The following ZNF445 variants were observed in gnomAD, a reference collection of about 807,000 sequenced individuals.
The protein encoded by ZNF445 is zinc finger protein 445.
In ZNF445, 19 loss-of-function variants were observed where a neutral mutation model predicts 93.9. That is an observed-to-expected ratio of 0.20 (90% confidence interval 0.14 to 0.30). The LOEUF (loss-of-function observed/expected upper bound fraction) is 0.30. Among genes scored for constraint, ZNF445 ranks in the 10% least tolerant of loss-of-function variants. The pLI is 1.00. For missense variants in ZNF445, 1,058 were observed against 1,259.4 expected (o/e 0.84, Z 2.42); for synonymous variants, 449 against 446.3 (o/e 1.01, Z -0.08).
In ZNF445 at chr3:44,440,143, AGCTACT is replaced by A. The variant is rs572678776; in HGVS notation, c.*6426_*6431del. ...CTTGGCATTTTCTTCTTGCCTTTTT[AGCTACT>A]TAAATATAGTACACTTCTTTATAAG... On this transcript the variant is annotated 3_prime_UTR_variant, in exon 8 of 8. Transcript: ENST00000396077. 2 of 152,166 alleles carry A rather than the reference AGCTACT, an allele frequency of 1.3e-5. No homozygotes were observed. Among genetic ancestry groups the A allele is most frequent in the Non-Finnish European group, 2.9e-5 (2 of 68,034 alleles). The allele number at this position is 152,166 out of a possible 1,614,324, so 9.4% of individuals were successfully genotyped here. A position where few individuals can be genotyped will look rare whatever the true frequency, so the allele number is the denominator to read the frequency against.
intron 2 of ZNF445, among the ~76,000 whole-genome samples, chr3:44,457,705 A>C (rs1261763027): frequency 6.6e-6 from 1 of 152,172 alleles, no homozygotes; most frequent in East Asian, 1.9e-4. Flanking sequence ...ACTTGAATTC[A>C]GAATGGATCA....
At chr3:44,457,354 C>T (rs1185567284) in intron 2 of ZNF445, among the ~76,000 whole-genome samples, 1 of 151,954 alleles carries the variant, frequency 6.6e-6, no homozygotes, top group East Asian at 1.9e-4. Flanking sequence ...TCACTGCAGA[C>T]TCAAACTCCT....
chr3:44,450,733 G>T, intron 5 of ZNF445, 135 bp downstream of exon 5: 1 of 1,280,418 alleles, frequency 7.8e-7, no homozygotes, highest in Non-Finnish European at 1.1e-6. Flanking sequence ...GCTTGAGGGG[G>T]ATAATCTGGT....
rs1199440569 is a variant in ZNF445, at chr3:44,449,635, A to C, written c.821-12T>G. 6.2e-7 allele frequency: 1 copy of C among 1,602,666 alleles called. No individual in the cohort carries two copies. Among genetic ancestry groups the C allele is most frequent in the Non-Finnish European group, 8.5e-7 (1 of 1,169,780 alleles). ...GGTGAATGGTCCCACTGCAGAAGAG[A>C]AGAGAATGGCATGAGAAGGGAGATG... On this transcript the variant is annotated splice_polypyrimidine_tract_variant and intron_variant, in intron 6 of 7. Transcript: ENST00000396077.
Position 44,434,063 on chromosome 3 carries a change from A to G in ZNF445, c.*12512T>C, listed in dbSNP as rs952546075. 3 of 152,154 alleles carry G rather than the reference A, an allele frequency of 2.0e-5. No homozygotes were observed. The highest frequency in any genetic ancestry group is 4.8e-5 in the African/African-American group (2 of 41,442). 9.4% of individuals were successfully genotyped at this position (152,154 alleles called of 1,614,324 possible). A position where few individuals can be genotyped will look rare whatever the true frequency, so the allele number is the denominator to read the frequency against. ...GTGGAATTATGTGATTCAGAAAATC[A>G]CATACAAAATTGTCTCGTGTCCCTT... On this transcript the variant is annotated 3_prime_UTR_variant, in exon 8 of 8. Transcript: ENST00000396077.
chr3:44,446,534 G>A lies in ZNF445; in HGVS notation c.*41C>T, dbSNP rs976752852. 8 of 1,611,268 alleles carry A rather than the reference G, an allele frequency of 5.0e-6. No homozygotes were observed. In the African/African-American group the frequency reaches 9.4e-5, roughly 19 times the overall value. On this transcript the variant is annotated 3_prime_UTR_variant, in exon 8 of 8. Coordinates refer to ENST00000396077, the MANE Select transcript of ZNF445 (RefSeq NM_181489.6). The surrounding 1 kb of genome is among the most constrained non-coding windows in gnomAD (Gnocchi z 4.2). ...CTATAATTAAGGGTTCTCTAGCAGG[G>A]GACTGAGAACCCACCCCCACTGTCA...
In ZNF445 at chr3:44,435,559, G is replaced by A. The variant is rs974380406; in HGVS notation, c.*11016C>T. ...TGGAGATGTGTTCCCGTCTTTGATG[G>A]TGGCACTAATCTCAACAATCTCTCC... is the stretch of plus-strand genomic sequence containing the variant. On this transcript the variant is annotated 3_prime_UTR_variant, in exon 8 of 8. Transcript: ENST00000396077. 1 of 152,184 alleles carries A rather than the reference G, an allele frequency of 6.6e-6. No homozygotes were observed. Among genetic ancestry groups the A allele is most frequent in the Non-Finnish European group, 1.5e-5 (1 of 68,038 alleles). 9.4% of individuals were successfully genotyped at this position (152,184 alleles called of 1,614,324 possible).
Position 44,438,007 on chromosome 3 carries a change from G to T in ZNF445, c.*8568C>A. ...GAGTCGCTCTGGTTCAAATACCTCT[G>T]ACACTTTTACCCAGCCCCTATTCAA... On this transcript the variant is annotated 3_prime_UTR_variant, in exon 8 of 8. Coordinates refer to ENST00000396077, the MANE Select transcript of ZNF445 (RefSeq NM_181489.6). 1 of 152,822 alleles carries T rather than the reference G, an allele frequency of 6.5e-6. No homozygotes were observed. Among genetic ancestry groups the T allele is most frequent in the South Asian group, 1.8e-4 (1 of 5,470 alleles). 9.5% of individuals were successfully genotyped at this position (152,822 alleles called of 1,614,324 possible).
chr3:44,456,170 C>T (rs1432294688), intron 2 of ZNF445, among the ~76,000 whole-genome samples: 1 of 152,130 alleles, frequency 6.6e-6, no homozygotes, highest in African/African-American at 2.4e-5. Flanking sequence ...AATCCTAGCA[C>T]TTTGGAAAGC....
At chr3:44,463,664 G>A (rs1190053993) in intron 1 of ZNF445, among the ~76,000 whole-genome samples, 1 of 152,086 alleles carries the variant, frequency 6.6e-6, no homozygotes, top group East Asian at 1.9e-4. Context: ...AGTTATGGAG[G>A]GATACTTGAC....
chr3:44,452,735 C>A (rs1184379286), intron 3 of ZNF445, among the ~76,000 whole-genome samples: 1 of 152,058 alleles, frequency 6.6e-6, no homozygotes, highest in South Asian at 2.1e-4. Context: ...GTAAAAATAA[C>A]AAATGCTCTT....
intron 3 of ZNF445, 89 bp from the exon 4 acceptor site, chr3:44,451,571 C>T (rs1575309836): frequency 2.1e-5 from 30 of 1,434,418 alleles, no homozygotes; most frequent in Non-Finnish European, 2.8e-5. Context: ...CTCTGAAGGA[C>T]AAAGGCCGAG....
At chr3:44,449,451 C>T in intron 7 of ZNF445, 62 bp downstream of exon 7, 1 of 1,319,586 alleles carries the variant, frequency 7.6e-7, no homozygotes, top group Non-Finnish European at 1.1e-6. Context: ...ATGTAACTGA[C>T]CTTAAGAAAG....
rs1697761292 is a variant in ZNF445, at chr3:44,439,331, A to T, written c.*7244T>A. The stretch of plus-strand genomic sequence containing the variant: ...GTCTCAAAAAAAAAAAAAAAAAAAA[A>T]GCAAAACGCAAAAAGCAGTGGTGAC... On this transcript the variant is annotated 3_prime_UTR_variant, in exon 8 of 8. Coordinates refer to ENST00000396077, the MANE Select transcript of ZNF445 (RefSeq NM_181489.6). The T allele has an allele frequency of 6.6e-6, 1 of 151,490 alleles. No homozygotes were observed. Among genetic ancestry groups the T allele is most frequent in the Non-Finnish European group, 1.5e-5 (1 of 67,888 alleles). The allele number at this position is 151,490 out of a possible 1,614,324, so 9.4% of individuals were successfully genotyped here.
chr3:44,448,219 T>C lies in ZNF445; in HGVS notation c.1452A>G (p.Ser484=), dbSNP rs1697906197. The change falls in exon 8 of 8, where the codon TCA becomes TCG. Residue 484 remains serine, a synonymous_variant. Transcript: ENST00000396077. ...RGQSLHTVGV[S]FKCSDCGRTF... ...TCCTTCCACAGTCACTGCACTTAAATGACACTCCCACTGTGTGAAGACTCT... is the reference window on the plus strand; with the variant it reads ...TCCTTCCACAGTCACTGCACTTAAACGACACTCCCACTGTGTGAAGACTCT... The C allele has an allele frequency of 6.2e-7, 1 of 1,614,092 alleles. No individual in the cohort carries two copies. Among genetic ancestry groups the C allele is most frequent in the Non-Finnish European group, 8.5e-7 (1 of 1,180,058 alleles).
chr3:44,476,523 A>T (rs1698358818), intron 1 of ZNF445, among the ~76,000 whole-genome samples: 1 of 152,150 alleles, frequency 6.6e-6, no homozygotes, highest in Admixed American at 6.5e-5. Context: ...GAAACTGCTT[A>T]ATCAAATTAC....
chr3:44,470,272 A>G (rs1479471199), intron 1 of ZNF445, among the ~76,000 whole-genome samples: 1 of 152,222 alleles, frequency 6.6e-6, no homozygotes, highest in Non-Finnish European at 1.5e-5. Context: ...ACTGTGCACG[A>G]CTGCTTTTCC....
rs1158762978 is a variant in ZNF445 at position 44,447,670 on chromosome 3, G to C, written c.2001C>G (p.Asp667Glu). The C allele has an allele frequency of 6.2e-7, 1 of 1,614,146 alleles. No homozygotes were observed. Among genetic ancestry groups the C allele is most frequent in the Non-Finnish European group, 8.5e-7 (1 of 1,180,034 alleles). ...CGGGAGCACCCTGGGGCTGACTGCA[G>C]TCAGGAGATTGCCTGAAGCCTTCAC... Reference protein sequence around the residue: ...ECREGFRQSPDCSQPQGAPAV... With the variant: ...ECREGFRQSPECSQPQGAPAV... Residue 667 changes from aspartate to glutamate, a missense_variant, in exon 8 of 8, where the codon GAC (aspartate) becomes GAG (glutamate). This residue lies in a region of ZNF445 where 387 missense variants were observed against 475.7 expected (regional missense o/e 0.81). Transcript: ENST00000396077. The surrounding 1 kb of genome is among the most constrained non-coding windows in gnomAD (Gnocchi z 4.7).
chr3:44,449,705 G>A lies in ZNF445; in HGVS notation c.821-82C>T. On this transcript the variant is annotated intron_variant, in intron 6 of 7. Coordinates refer to ENST00000396077, the MANE Select transcript of ZNF445 (RefSeq NM_181489.6). The stretch of plus-strand genomic sequence containing the variant: ...TCAGGACCTCTGGGCCTGAAGTCCT[G>A]GTGGGAAGGTGGGAAAGACCAGGAA... 2.7e-6 allele frequency: 3 copies of A among 1,108,060 alleles called. No individual in the cohort carries two copies. The South Asian group carries it at 3.9e-5, about 14-fold the overall frequency. The allele number at this position is 1,108,060 out of a possible 1,614,324, so 68.6% of individuals were successfully genotyped here. A position where few individuals can be genotyped will look rare whatever the true frequency, so the allele number is the denominator to read the frequency against.
Sources: gnomAD v4.1 joint callset for allele counts (sites outside exome capture counted in the v4.1 genomes callset) on GRCh38, gnomAD v4.1.1 for gene constraint, gnomAD v4.1.1 regional missense constraint, Gnocchi (gnomAD v3.1) non-coding constraint, MANE v1.5 for transcripts, NCBI Gene and HGNC (gene_info 2026-07-23, HGNC 2026-07-21) for gene names.